USP6NL: variants seen among roughly 807,000 people sequenced by gnomAD.
The protein encoded by USP6NL is USP6 N-terminal like.
In USP6NL, 26 loss-of-function variants were observed where a neutral mutation model predicts 61.9. The observed-to-expected ratio is 0.42, with a 90% CI of 0.31 to 0.58. The LOEUF is 0.58. USP6NL is among the 20% of genes least tolerant of loss of function. The probability of loss-of-function intolerance (pLI) is 0.16; values close to 1 mark genes in which losing one functional copy is unlikely to be tolerated. For synonymous variants in USP6NL, 432 were observed against 390.1 expected (o/e 1.11, Z -1.27); for missense variants, 1,114 against 1,034.3 (o/e 1.08, Z -1.06).
At chr10:11,563,654 G>GT (rs1837024194) in intron 2 of USP6NL, 3 of 152,086 alleles carry the variant, frequency 2.0e-5, no homozygotes, top group African/African-American at 7.2e-5. Flanking sequence ...ACTTAGTGCT[G>GT]TTTTCAAAAA....
intron 6 of USP6NL, among the ~76,000 whole-genome samples, chr10:11,506,935 A>C (rs768091076): frequency 3.9e-5 from 6 of 152,226 alleles, no homozygotes; most frequent in Non-Finnish European, 8.8e-5. Flanking sequence ...ATTTAAAACT[A>C]GGTGTGAATT....
rs34300771 is a variant in USP6NL at position 11,537,384 on chromosome 10, T to TTA, written c.5-9819_5-9818dup. Among the ~76,000 whole-genome samples, 17,237 of 152,190 alleles carry TTA rather than the reference T, an allele frequency of 0.11. 1,285 individuals are homozygous for TTA. Among genetic ancestry groups the TTA allele is most frequent in the East Asian group, 0.16 (819 of 5,162 alleles). On this transcript the variant is annotated intron_variant, in intron 2 of 14. Transcript: ENST00000609104. The surrounding 1 kb of genome is among the most constrained non-coding windows in gnomAD (Gnocchi z 5.1). ...ACCTTGGCCTCCCAAAGTGCTACGA[T>TTA]TATAGGCATGAGCCACAAAGCCCGG...
intron 1 of USP6NL, among the ~76,000 whole-genome samples, chr10:11,608,430 T>C (rs956335069): frequency 2.0e-5 from 3 of 152,370 alleles, no homozygotes; most frequent in Middle Eastern, 3.4e-3. Flanking sequence ...TCATGGGCTA[T>C]GGACGGAACT....
chr10:11,519,959 T>C (rs1394887683), intron 4 of USP6NL, among the ~76,000 whole-genome samples: 1 of 152,172 alleles, frequency 6.6e-6, no homozygotes, highest in East Asian at 1.9e-4. Flanking sequence ...TATTCACCAG[T>C]ACGGTATTTT....
intron 2 of USP6NL, chr10:11,564,325 T>C (rs7911553): frequency 2.6e-5 from 4 of 152,204 alleles, no homozygotes; most frequent in Non-Finnish European, 1.5e-5. Flanking sequence ...AAATAACTCA[T>C]TGCAAACCTA....
In USP6NL at chr10:11,589,158, G is replaced by A. The variant is rs528252050; in HGVS notation, c.4+8473C>T. 6.6e-6 allele frequency among the ~76,000 whole-genome samples: 1 copy of A among 152,262 alleles called. No homozygotes were observed. Among genetic ancestry groups the A allele is most frequent in the Admixed American group, 6.5e-5 (1 of 15,308 alleles). ...GGCAACCTGCTTTATATAGCTTCTA[G>A]GTCACATCTGTCAGCAGAAACGTTT... On this transcript the variant is annotated intron_variant, in intron 2 of 14. Coordinates refer to ENST00000609104, the MANE Select transcript of USP6NL (RefSeq NM_014688.5). The surrounding 1 kb of genome is among the most constrained non-coding windows in gnomAD (Gnocchi z 4.7).
chr10:11,563,381 A>G (rs1837013323), intron 2 of USP6NL: 3 of 152,264 alleles, frequency 2.0e-5, no homozygotes, highest in South Asian at 2.1e-4. Context: ...ACAAATCTAC[A>G]CATGATAAAA....
At chr10:11,599,790 G>C (rs1015113503) in intron 1 of USP6NL, among the ~76,000 whole-genome samples, 1 of 147,664 alleles carries the variant, frequency 6.8e-6, no homozygotes, top group Non-Finnish European at 1.5e-5. Flanking sequence ...GAGTGCAGTA[G>C]CTGGGACTAC....
rs193197811 is a variant in USP6NL, at chr10:11,592,874, T to C, written c.4+4757A>G. Among the ~76,000 whole-genome samples the C allele has an allele frequency of 7.3e-4, 111 of 152,322 alleles. No homozygotes were observed. The highest frequency in any genetic ancestry group is 2.6e-3 in the African/African-American group (110 of 41,562). On this transcript the variant is annotated intron_variant, in intron 2 of 14. Transcript: ENST00000609104. The surrounding 1 kb of genome is among the most constrained non-coding windows in gnomAD (Gnocchi z 4.7). ...ATAACATTATCTGCTCTAACAAATA[T>C]TAAAACAAATTGTTCTTCACTTCAG...
intron 6 of USP6NL, 49 bp from the exon 7 acceptor site, chr10:11,501,257 G>C: frequency 7.1e-7 from 1 of 1,411,250 alleles, no homozygotes; most frequent in Non-Finnish European, 9.7e-7. Flanking sequence ...AAAAAACTTA[G>C]ATTAGTCTCT....
At chr10:11,542,893 C>T (rs1210364690) in intron 2 of USP6NL, among the ~76,000 whole-genome samples, 1 of 152,146 alleles carries the variant, frequency 6.6e-6, no homozygotes, top group Non-Finnish European at 1.5e-5. Flanking sequence ...CCCCGAGCTT[C>T]TAACATGTCT....
rs185894680 is a variant in USP6NL at position 11,585,165 on chromosome 10, T to G, written c.4+12466A>C. ...AAAGTTATCTTGTCTAACAAGGAAA[T>G]AGCACCTCACTAGGATGGCTACTAC... On this transcript the variant is annotated intron_variant, in intron 2 of 14. Transcript: ENST00000609104. The surrounding 1 kb of genome is among the most constrained non-coding windows in gnomAD (Gnocchi z 4.5). Among the ~76,000 whole-genome samples the G allele has an allele frequency of 2.6e-5, 4 of 152,044 alleles. No individual in the cohort carries two copies. Among genetic ancestry groups the G allele is most frequent in the Non-Finnish European group, 5.9e-5 (4 of 67,998 alleles).
Position 11,499,837 on chromosome 10 carries a change from GTACTTGGT to G in USP6NL, c.384+1256_384+1263del, listed in dbSNP as rs1457069246. On this transcript the variant is annotated intron_variant, in intron 7 of 14. Coordinates refer to ENST00000609104, the MANE Select transcript of USP6NL (RefSeq NM_014688.5). This position sits in a 1 kb window ranked among gnomAD's most constrained non-coding sequence, Gnocchi z 4.5. ...GTTGTTTTGAGCCGCTTAGTTTGTG[GTACTTGGT>G]TACAGCAGCCCTAAATGAATACAGC... 6.6e-6 allele frequency among the ~76,000 whole-genome samples: 1 copy of G among 152,294 alleles called. No individual in the cohort carries two copies. Among genetic ancestry groups the G allele is most frequent in the Non-Finnish European group, 1.5e-5 (1 of 68,018 alleles).
At chr10:11,473,033 A>C (rs1389744243) in intron 14 of USP6NL, among the ~76,000 whole-genome samples, 1 of 152,256 alleles carries the variant, frequency 6.6e-6, no homozygotes, top group Non-Finnish European at 1.5e-5. Flanking sequence ...ATGAATAAAT[A>C]AAAGTGAAAA....
rs535275356 is a variant in USP6NL, at chr10:11,488,776, G to T, written c.664+326C>A. 3.0e-4 allele frequency among the ~76,000 whole-genome samples: 46 copies of T among 152,202 alleles called. No homozygotes were observed. In the South Asian group the frequency reaches 8.9e-3, roughly 29 times the overall value. ...ACCATCTAAAAGTTTTGATTAAAAGGCATCTTTTATTTCTCCCAATAATAT... is the reference window on the plus strand; with the variant it reads ...ACCATCTAAAAGTTTTGATTAAAAGTCATCTTTTATTTCTCCCAATAATAT... On this transcript the variant is annotated intron_variant, in intron 10 of 14. Coordinates refer to ENST00000609104, the MANE Select transcript of USP6NL (RefSeq NM_014688.5).
In USP6NL at chr10:11,474,613, C is replaced by A. The variant is rs764494754; in HGVS notation, c.1078+7157G>T. Among the ~76,000 whole-genome samples the A allele has an allele frequency of 6.6e-6, 1 of 152,010 alleles. No homozygotes were observed. Among genetic ancestry groups the A allele is most frequent in the Non-Finnish European group, 1.5e-5 (1 of 68,000 alleles). On this transcript the variant is annotated intron_variant, in intron 14 of 14. Transcript: ENST00000609104. The surrounding 1 kb of genome is among the most constrained non-coding windows in gnomAD (Gnocchi z 4.9). ...CTGAATTAAATGTAAGGAAGAAATACGTTTCTAAATTTGTGAGTTTAATAA... is the reference window on the plus strand; with the variant it reads ...CTGAATTAAATGTAAGGAAGAAATAAGTTTCTAAATTTGTGAGTTTAATAA...
At chr10:11,543,479 T>G (rs1160562468) in intron 2 of USP6NL, among the ~76,000 whole-genome samples, 1 of 151,932 alleles carries the variant, frequency 6.6e-6, no homozygotes, top group East Asian at 1.9e-4. Context: ...GAGGCAGAGC[T>G]TGCAGTGAGC....
chr10:11,596,513 A>G lies in USP6NL; in HGVS notation c.4+1118T>C, dbSNP rs151210023. Among the ~76,000 whole-genome samples the G allele has an allele frequency of 7.2e-3, 1,099 of 151,670 alleles. 7 individuals are homozygous for G. The highest frequency in any genetic ancestry group is 0.012 in the Admixed American group (183 of 15,212). On this transcript the variant is annotated intron_variant, in intron 2 of 14. Transcript: ENST00000609104. This position sits in a 1 kb window ranked among gnomAD's most constrained non-coding sequence, Gnocchi z 4.1. ...GTGGCGGGCGCCTGTAGTCCCAGCT[A>G]CTCGGGAGGCTGAGGCAGGAGAATG...
At position 11,592,966 on chromosome 10, in the gene USP6NL, A is replaced by T. The variant is rs1489648533; in HGVS notation, c.4+4665T>A. 1.3e-5 allele frequency among the ~76,000 whole-genome samples: 2 copies of T among 152,216 alleles called. No homozygotes were observed. The highest frequency in any genetic ancestry group is 3.8e-4 in the East Asian group (2 of 5,200). On this transcript the variant is annotated intron_variant, in intron 2 of 14. Coordinates refer to ENST00000609104, the MANE Select transcript of USP6NL (RefSeq NM_014688.5). The surrounding 1 kb of genome is among the most constrained non-coding windows in gnomAD (Gnocchi z 4.7). ...ACTCCTATACTATTAGAAAACCACA[A>T]ATACACTACACCCCAAATTACTCAC...
Sources: gnomAD v4.1 joint callset for allele counts (sites outside exome capture counted in the v4.1 genomes callset) on GRCh38, gnomAD v4.1.1 for gene constraint, Gnocchi (gnomAD v3.1) non-coding constraint, MANE v1.5 for transcripts, NCBI Gene and HGNC (gene_info 2026-07-23, HGNC 2026-07-21) for gene names.